Variants in SAE1 observed in about 807,000 individuals in gnomAD.
SAE1 encodes SUMO1 activating enzyme subunit 1.
In SAE1, 11 loss-of-function variants were observed where a neutral mutation model predicts 40.6. That is an observed-to-expected ratio of 0.27 (90% CI 0.17 to 0.45). The LOEUF is 0.45. SAE1 is among the 20% of genes least tolerant of loss of function. The pLI is 1.00. For synonymous variants in SAE1, 155 were observed against 154.3 expected (o/e 1.00, Z -0.03); for missense variants, 373 against 427.3 (o/e 0.87, Z 1.12).
At chr19:47,136,786 G>A (rs1249237788) in intron 1 of SAE1, among the ~76,000 whole-genome samples, 2 of 151,972 alleles carry the variant, frequency 1.3e-5, no homozygotes, top group Non-Finnish European at 1.5e-5. Context: ...CACAGCCCCC[G>A]GCCTTCACCT....
intron 6 of SAE1, among the ~76,000 whole-genome samples, chr19:47,180,851 T>C (rs1028725188): frequency 2.6e-5 from 4 of 152,156 alleles, no homozygotes; most frequent in East Asian, 3.9e-4. Context: ...ATGAATTACA[T>C]AGAGAGACAT....
chr19:47,172,063 T>C (rs2058438195), intron 6 of SAE1, among the ~76,000 whole-genome samples: 2 of 150,572 alleles, frequency 1.3e-5, no homozygotes, highest in South Asian at 4.2e-4. Context: ...GGATTACAGG[T>C]GCCCACCAGC....
intron 2 of SAE1, among the ~76,000 whole-genome samples, chr19:47,144,901 C>T (rs901753217): frequency 2.6e-5 from 4 of 151,990 alleles, no homozygotes; most frequent in South Asian, 2.1e-4. Flanking sequence ...GCGCAATCTC[C>T]GCACACTGCA....
rs1600224781 is a variant in SAE1 at position 47,209,494 on chromosome 19, G to A, written c.*243G>A. The A allele has an allele frequency of 1.6e-6, 1 of 612,446 alleles. No individual in the cohort carries two copies. 37.9% of individuals were successfully genotyped at this position (612,446 alleles called of 1,614,324 possible). A position where few individuals can be genotyped will look rare whatever the true frequency, so the allele number is the denominator to read the frequency against. ...CTGTTCAGGCTGCCTGTCATCCCGGGCCTGCCAGCTCCCCTGAGTGATGAG... is the reference window on the plus strand; with the variant it reads ...CTGTTCAGGCTGCCTGTCATCCCGGACCTGCCAGCTCCCCTGAGTGATGAG... On this transcript the variant is annotated 3_prime_UTR_variant, in exon 9 of 9. Coordinates refer to ENST00000270225, the MANE Select transcript of SAE1 (RefSeq NM_005500.3).
chr19:47,171,437 C>T (rs1235190362), intron 6 of SAE1, among the ~76,000 whole-genome samples: 2 of 151,668 alleles, frequency 1.3e-5, no homozygotes, highest in Admixed American at 6.6e-5. Flanking sequence ...GAAATACAGG[C>T]GGGCACCACC....
At chr19:47,161,532 C>A (rs1312970900) in intron 5 of SAE1, among the ~76,000 whole-genome samples, 1 of 152,140 alleles carries the variant, frequency 6.6e-6, no homozygotes, top group East Asian at 1.9e-4. Flanking sequence ...TTAAAAAAGA[C>A]ACCTGGAAGG....
chr19:47,178,132 T>C (rs1291512524), intron 6 of SAE1, among the ~76,000 whole-genome samples: 1 of 151,662 alleles, frequency 6.6e-6, no homozygotes, highest in East Asian at 1.9e-4. Flanking sequence ...TCCCAGCTAC[T>C]CGGGAGGGGG....
At chr19:47,190,287 A>T (rs1471779338) in intron 6 of SAE1, among the ~76,000 whole-genome samples, 1 of 152,228 alleles carries the variant, frequency 6.6e-6, no homozygotes, top group Non-Finnish European at 1.5e-5. Context: ...TTAACGGAAC[A>T]GTTTTATAAT....
chr19:47,167,767 A>C (rs889546205), intron 5 of SAE1, among the ~76,000 whole-genome samples: 9 of 151,956 alleles, frequency 5.9e-5, no homozygotes, highest in African/African-American at 2.2e-4. Flanking sequence ...CCCACCACCA[A>C]CCTTTTTAAA....
intron 1 of SAE1, among the ~76,000 whole-genome samples, chr19:47,140,138 G>A (rs1380853617): frequency 1.4e-5 from 2 of 144,136 alleles, no homozygotes; most frequent in Non-Finnish European, 3.0e-5. Flanking sequence ...ACAGACCCTT[G>A]TTCTGTTGCC....
intron 8 of SAE1, among the ~76,000 whole-genome samples, chr19:47,208,158 C>T (rs2058695251): frequency 6.6e-6 from 1 of 152,220 alleles, no homozygotes; most frequent in Non-Finnish European, 1.5e-5. Context: ...AGAACTGCCA[C>T]CTTTCTCAGT....
intron 5 of SAE1, 48 bp from the exon 6 acceptor site, chr19:47,169,770 G>T (rs1422984590): frequency 1.6e-6 from 2 of 1,252,846 alleles, no homozygotes; most frequent in East Asian, 2.3e-5. Flanking sequence ...CCTTGTGATT[G>T]GAAGCCAGCA....
At chr19:47,131,251 T>G in intron 1 of SAE1, 1 of 1,194,740 alleles carries the variant, frequency 8.4e-7, no homozygotes, top group South Asian at 2.1e-5. Context: ...ATGGGAGCTC[T>G]GAAGGGGGCG....
intron 5 of SAE1, among the ~76,000 whole-genome samples, chr19:47,163,700 C>T (rs2058372627): frequency 6.6e-6 from 1 of 152,004 alleles, no homozygotes; most frequent in African/African-American, 2.4e-5. Flanking sequence ...GCACTCCAGC[C>T]TGGGCGACAG....
At chr19:47,202,771 G>A (rs1326546469) in intron 7 of SAE1, among the ~76,000 whole-genome samples, 3 of 152,050 alleles carry the variant, frequency 2.0e-5, no homozygotes, top group Admixed American at 6.5e-5. Context: ...GTAGCCGGGC[G>A]TGGTGGCGGG....
chr19:47,197,093 A>T (rs185019310), intron 6 of SAE1, 140 bp from the exon 7 acceptor site: 3 of 749,158 alleles, frequency 4.0e-6, no homozygotes, highest in Non-Finnish European at 6.3e-6. Flanking sequence ...AGGCAGAAGA[A>T]TCACTTGAAC....
intron 1 of SAE1, among the ~76,000 whole-genome samples, chr19:47,135,184 T>G (rs2123174454): frequency 6.6e-6 from 1 of 152,234 alleles, no homozygotes; most frequent in Middle Eastern, 3.4e-3. Context: ...AACAATCCAA[T>G]TATATTCTTT....
chr19:47,134,758 T>G lies in SAE1; in HGVS notation c.98+3730T>G, dbSNP rs984024391. On this transcript the variant is annotated intron_variant, in intron 1 of 8. Coordinates refer to ENST00000270225, the MANE Select transcript of SAE1 (RefSeq NM_005500.3). The stretch of plus-strand genomic sequence containing the variant: ...GAACTTTCAGAGGGATGGGGATGAT[T>G]TTTCTGAGAAGCAGTGAAGAATGGA... Among the ~76,000 whole-genome samples, 3 of 152,014 alleles carry G rather than the reference T, an allele frequency of 2.0e-5. No homozygotes were observed. The South Asian group carries it at 6.2e-4, about 32-fold the overall frequency.
At chr19:47,183,836 C>T (rs2123283411) in intron 6 of SAE1, among the ~76,000 whole-genome samples, 1 of 152,294 alleles carries the variant, frequency 6.6e-6, no homozygotes, top group East Asian at 1.9e-4. Context: ...ATGTGCTGCT[C>T]AAGTGCTGGG....
Sources: allele counts gnomAD v4.1 joint callset (sites outside exome capture counted in the v4.1 genomes callset), GRCh38; gene constraint gnomAD v4.1.1; transcripts MANE v1.5; gene names NCBI Gene and HGNC (gene_info 2026-07-23, HGNC 2026-07-21).